Variants in QTMAN observed in about 807,000 individuals in gnomAD.
The protein encoded by QTMAN is tRNA-queuosine alpha-mannosyltransferase.
the QTMAN span, among the ~76,000 whole-genome samples, chr2:144,136,736 A>G: frequency 6.6e-6 from 1 of 152,092 alleles, no homozygotes; most frequent in Non-Finnish European, 1.5e-5. Flanking sequence ...GTTCCACGGG[A>G]AATCTGTCTT....
At chr2:144,095,841 G>C in the QTMAN span, among the ~76,000 whole-genome samples, 1 of 152,078 alleles carries the variant, frequency 6.6e-6, no homozygotes, top group Admixed American at 6.5e-5. Flanking sequence ...ATTAAAGATA[G>C]TCTAAGGATT....
At chr2:144,135,533 T>C in the QTMAN span, among the ~76,000 whole-genome samples, 1 of 152,308 alleles carries the variant, frequency 6.6e-6, no homozygotes, top group East Asian at 1.9e-4. Context: ...AATTCTTTCT[T>C]AAAATTTCTC....
the QTMAN span, among the ~76,000 whole-genome samples, chr2:144,308,687 C>T: frequency 2.0e-5 from 3 of 151,896 alleles, no homozygotes; most frequent in African/African-American, 4.8e-5. Context: ...AGACATTTGC[C>T]GGACGCGGTG....
the QTMAN span, among the ~76,000 whole-genome samples, chr2:144,225,793 A>G: frequency 6.6e-6 from 1 of 152,202 alleles, no homozygotes; most frequent in Non-Finnish European, 1.5e-5. Flanking sequence ...GTAGTGCCCT[A>G]AATTTTGCTT....
At chr2:144,256,010 TATTA>T in the QTMAN span, among the ~76,000 whole-genome samples, 1 of 152,242 alleles carries the variant, frequency 6.6e-6, no homozygotes, top group African/African-American at 2.4e-5. Flanking sequence ...AAATAAAGTC[TATTA>T]ATTATTTTTA....
At chr2:144,301,023 A>C in the QTMAN span, among the ~76,000 whole-genome samples, 2 of 152,186 alleles carry the variant, frequency 1.3e-5, no homozygotes, top group Non-Finnish European at 2.9e-5. Flanking sequence ...AGGCTAGTAC[A>C]TTGAAAAAAA....
the QTMAN span, among the ~76,000 whole-genome samples, chr2:144,203,409 A>C: frequency 6.6e-6 from 1 of 152,180 alleles, no homozygotes; most frequent in African/African-American, 2.4e-5. Flanking sequence ...AGTGAGATGA[A>C]ATACTGTGGA....
chr2:144,175,709 G>T, the QTMAN span, among the ~76,000 whole-genome samples: 1 of 152,000 alleles, frequency 6.6e-6, no homozygotes, highest in Non-Finnish European at 1.5e-5. Flanking sequence ...TGTCATCCAT[G>T]CTGGAGTGCA....
chr2:144,207,826 G>T, the QTMAN span, among the ~76,000 whole-genome samples: 1 of 151,754 alleles, frequency 6.6e-6, no homozygotes, highest in Non-Finnish European at 1.5e-5. Context: ...TGTCCCATAA[G>T]ACTCTTTTAT....
At chr2:143,999,648 A>G in the QTMAN span, among the ~76,000 whole-genome samples, 1 of 152,026 alleles carries the variant, frequency 6.6e-6, no homozygotes, top group East Asian at 1.9e-4. Flanking sequence ...CTAGCTATCT[A>G]CTTCCCAACT....
the QTMAN span, among the ~76,000 whole-genome samples, chr2:144,111,401 A>C: frequency 6.6e-6 from 1 of 152,178 alleles, no homozygotes; most frequent in Admixed American, 6.5e-5. Context: ...ATTTCCAAAT[A>C]CAACTATAGC....
chr2:144,314,569 C>T, the QTMAN span, among the ~76,000 whole-genome samples: 9 of 152,124 alleles, frequency 5.9e-5, no homozygotes, highest in Admixed American at 6.5e-5. Flanking sequence ...AAAAATTAGC[C>T]GGGCATGGTG....
At chr2:144,145,532 G>A in the QTMAN span, 2 of 1,474,112 alleles carry the variant, frequency 1.4e-6, no homozygotes, top group East Asian at 2.3e-5. Context: ...AAAGAAAAAG[G>A]TAGCAAAGGG....
the QTMAN span, among the ~76,000 whole-genome samples, chr2:144,262,213 T>C: frequency 6.6e-6 from 1 of 151,978 alleles, no homozygotes; most frequent in African/African-American, 2.4e-5. Context: ...GCACCAACAT[T>C]TACCACCATT....
At chr2:143,992,605 T>C in the QTMAN span, among the ~76,000 whole-genome samples, 115 of 152,250 alleles carry the variant, frequency 7.6e-4, no homozygotes, top group African/African-American at 2.6e-3. Flanking sequence ...TGAGAGACTA[T>C]AGTCTCAACC....
the QTMAN span, among the ~76,000 whole-genome samples, chr2:144,143,061 C>G: frequency 1.3e-5 from 2 of 151,956 alleles, no homozygotes; most frequent in Non-Finnish European, 2.9e-5. Context: ...CAATACTCTA[C>G]AGTGGCCTGT....
At chr2:144,330,962 T>C in the QTMAN span, among the ~76,000 whole-genome samples, 1 of 152,234 alleles carries the variant, frequency 6.6e-6, no homozygotes, top group Non-Finnish European at 1.5e-5. Context: ...AAATCAAGAC[T>C]AAAGAAGCCA....
chr2:143,993,609 T>A, the QTMAN span, among the ~76,000 whole-genome samples: 3 of 151,994 alleles, frequency 2.0e-5, no homozygotes, highest in Admixed American at 2.0e-4. Flanking sequence ...AAACTGCAGA[T>A]TGATTGGTGG....
the QTMAN span, among the ~76,000 whole-genome samples, chr2:143,963,011 G>A: frequency 3.9e-5 from 6 of 151,908 alleles, no homozygotes; most frequent in Admixed American, 1.3e-4. Flanking sequence ...CTTCATTACT[G>A]GTAAAATTAG....
Sources: allele counts gnomAD v4.1 joint callset (sites outside exome capture counted in the v4.1 genomes callset), GRCh38; gene constraint gnomAD v4.1.1; transcripts MANE v1.5; gene names NCBI Gene and HGNC (gene_info 2026-07-23, HGNC 2026-07-21).